Variants in DAB1 observed in about 807,000 individuals in gnomAD.
DAB1 encodes the protein DAB adaptor protein 1.
In DAB1, 15 loss-of-function variants were observed where a neutral mutation model predicts 64.6. The ratio of observed to expected loss-of-function variants is 0.23; its 90% CI spans 0.16 to 0.36. The LOEUF is 0.36. DAB1 is among the 10% of genes least tolerant of loss of function. DAB1 has a pLI of 1.00. For synonymous variants in DAB1, 235 were observed against 251.9 expected (o/e 0.93, Z 0.64); for missense variants, 596 against 706.7 (o/e 0.84, Z 1.78).
At chr1:57,069,569 A>C in intron 7 of DAB1, 144 bp from the exon 8 acceptor site, 1 of 642,830 alleles carries the variant, frequency 1.6e-6, no homozygotes, top group Non-Finnish European at 2.7e-6. Flanking sequence ...CAACTAAATT[A>C]TTGAAATAAA....
At chr1:58,397,245 C>A (rs530893955) in intron 3 of DAB1, among the ~76,000 whole-genome samples, 1 of 152,144 alleles carries the variant, frequency 6.6e-6, no homozygotes, top group South Asian at 2.1e-4. Flanking sequence ...AGCCCATACT[C>A]GGCCCAGGCA....
chr1:57,363,317 T>C (rs1427157086), intron 1 of DAB1, among the ~76,000 whole-genome samples: 1 of 152,188 alleles, frequency 6.6e-6, no homozygotes, highest in Non-Finnish European at 1.5e-5. Flanking sequence ...CCTAGCTACA[T>C]TCTCCTCTGT....
At chr1:57,078,999 G>T (rs1043618252) in intron 4 of DAB1, among the ~76,000 whole-genome samples, 1 of 152,168 alleles carries the variant, frequency 6.6e-6, no homozygotes, top group Admixed American at 6.5e-5. Flanking sequence ...AAGCAGTACC[G>T]AAAAAATGAT....
chr1:57,743,017 T>C (rs1648077228), intron 6 of DAB1, among the ~76,000 whole-genome samples: 1 of 152,096 alleles, frequency 6.6e-6, no homozygotes. Context: ...CGGTTATTGG[T>C]GATGTAGAAA....
At chr1:58,324,773 G>A (rs1291952521) in intron 4 of DAB1, among the ~76,000 whole-genome samples, 2 of 152,176 alleles carry the variant, frequency 1.3e-5, no homozygotes, top group African/African-American at 4.8e-5. Flanking sequence ...GCCTGTGCAC[G>A]CTGGGGCCTC....
At chr1:58,519,590 T>A (rs192600031) in intron 2 of DAB1, among the ~76,000 whole-genome samples, 4 of 151,984 alleles carry the variant, frequency 2.6e-5, no homozygotes, top group African/African-American at 9.7e-5. Context: ...AAAAAAAATA[T>A]ATCATTCAGA....
chr1:58,349,920 G>A (rs759026399), intron 3 of DAB1, among the ~76,000 whole-genome samples: 33 of 152,120 alleles, frequency 2.2e-4, no homozygotes, highest in Admixed American at 1.6e-3. Context: ...ATAAACACAC[G>A]TGTGCATATG....
At chr1:57,980,688 A>C (rs1323833901) in intron 5 of DAB1, among the ~76,000 whole-genome samples, 1 of 152,158 alleles carries the variant, frequency 6.6e-6, no homozygotes, top group Non-Finnish European at 1.5e-5. Context: ...CATTCCTGAT[A>C]AAATGGATAT....
chr1:57,516,896 T>C (rs1310333598), intron 7 of DAB1, among the ~76,000 whole-genome samples: 1 of 152,218 alleles, frequency 6.6e-6, no homozygotes, highest in Non-Finnish European at 1.5e-5. Context: ...TCAAGAATGA[T>C]TTATCAAGAA....
Position 57,434,726 on chromosome 1 carries a change from A to C in DAB1, n.626-143560T>G, listed in dbSNP as rs1260512971. Among the ~76,000 whole-genome samples the C allele has an allele frequency of 4.6e-5, 7 of 152,216 alleles. No individual in the cohort carries two copies. In the East Asian group the frequency reaches 1.3e-3, roughly 29 times the overall value. On this transcript the variant is annotated intron_variant and non_coding_transcript_variant, in intron 7 of 20. Transcript: ENST00000485760. ...CTATATGGTATAGCTTATTGATTCT[A>C]GGCTACAAACCTGTATGCACGTTAC...
chr1:57,409,041 T>C (rs368244630), intron 1 of DAB1, among the ~76,000 whole-genome samples: 2 of 152,242 alleles, frequency 1.3e-5, no homozygotes, highest in East Asian at 3.9e-4. Context: ...TCCTCCATGG[T>C]TTCAGAACAT....
chr1:58,479,657 T>C (rs1465162830), intron 3 of DAB1, among the ~76,000 whole-genome samples: 1 of 152,192 alleles, frequency 6.6e-6, no homozygotes, highest in African/African-American at 2.4e-5. Context: ...AGATTTTTAC[T>C]TATATTGAAG....
At chr1:57,611,986 G>A (rs1645732331) in intron 7 of DAB1, among the ~76,000 whole-genome samples, 1 of 152,014 alleles carries the variant, frequency 6.6e-6, no homozygotes, top group South Asian at 2.1e-4. Context: ...AACACATTAA[G>A]CTCATTCATG....
chr1:58,286,668 A>T (rs2100445489), intron 4 of DAB1, among the ~76,000 whole-genome samples: 1 of 152,342 alleles, frequency 6.6e-6, no homozygotes, highest in Non-Finnish European at 1.5e-5. Flanking sequence ...TCAAGAAATG[A>T]CTGATGCTGG....
chr1:57,863,667 C>G (rs957764178), intron 1 of DAB1, among the ~76,000 whole-genome samples: 1 of 152,076 alleles, frequency 6.6e-6, no homozygotes, highest in Non-Finnish European at 1.5e-5. Flanking sequence ...TCTCATGTCT[C>G]AGGAACAGAG....
At chr1:57,061,970 A>G (rs1368058419) in intron 9 of DAB1, among the ~76,000 whole-genome samples, 1 of 152,228 alleles carries the variant, frequency 6.6e-6, no homozygotes, top group Non-Finnish European at 1.5e-5. Context: ...ATAGTGACTG[A>G]ACACGCTAGT....
intron 3 of DAB1, among the ~76,000 whole-genome samples, chr1:58,475,349 A>G (rs1645408416): frequency 6.6e-6 from 1 of 152,082 alleles, no homozygotes; most frequent in Admixed American, 6.5e-5. Context: ...TTTAGTAGAG[A>G]CAAGGTTTCA....
chr1:58,376,079 C>G (rs1644322245), intron 3 of DAB1, among the ~76,000 whole-genome samples: 2 of 151,420 alleles, frequency 1.3e-5, no homozygotes, highest in Non-Finnish European at 3.0e-5. Flanking sequence ...CTCTTTTTTT[C>G]TTTGTCTTGC....
intron 6 of DAB1, among the ~76,000 whole-genome samples, chr1:57,745,632 G>A (rs958123683): frequency 6.6e-6 from 1 of 152,054 alleles, no homozygotes; most frequent in Non-Finnish European, 1.5e-5. Context: ...TTAAGTTTTT[G>A]AGACATTTAT....
Sources: allele counts gnomAD v4.1 joint callset (sites outside exome capture counted in the v4.1 genomes callset), GRCh38; gene constraint gnomAD v4.1.1; transcripts MANE v1.5; gene names NCBI Gene and HGNC (gene_info 2026-07-23, HGNC 2026-07-21).